The following NCKAP1L variants were observed in gnomAD, a reference collection of about 807,000 sequenced individuals.
NCKAP1L encodes nck-associated protein 1-like.
Under a neutral mutation model 139.2 loss-of-function variants are expected in NCKAP1L, and 53 were observed. The observed-to-expected ratio is 0.38, with a 90% CI of 0.31 to 0.48. The LOEUF is 0.48. NCKAP1L is among the 20% of genes least tolerant of loss of function. The pLI, the probability that NCKAP1L is intolerant of heterozygous loss-of-function variation, is 0.98. For missense variants in NCKAP1L, 1,151 were observed against 1,381.9 expected (o/e 0.83, Z 2.65); for synonymous variants, 468 against 499.7 (o/e 0.94, Z 0.85).
chr12:54,526,769 C>A, intron 21 of NCKAP1L, 23 bp downstream of exon 21: 1 of 1,597,606 alleles, frequency 6.3e-7, no homozygotes, highest in South Asian at 1.1e-5. Context: ...TAGGCTTTTC[C>A]ACTGCCTTAC....
chr12:54,516,406 C>A, intron 10 of NCKAP1L, 111 bp downstream of exon 10: 2 of 945,242 alleles, frequency 2.1e-6, no homozygotes, highest in Non-Finnish European at 3.4e-6. Context: ...TGCCTCAACC[C>A]AAGAACTTGC....
Position 54,497,871 on chromosome 12 carries a change from C to A in NCKAP1L, c.82C>A (p.Arg28Ser). The change falls in exon 1 of 31, where the codon CGT becomes AGT. Residue 28 changes from arginine (R) to serine (S), a missense_variant. By Grantham distance (110) the Arg-to-Ser change is moderately radical. Coordinates refer to ENST00000293373, the MANE Select transcript of NCKAP1L (RefSeq NM_005337.5). ...TGATCGCGGTCAGGGGGTTCTCATC[C>A]GTATGTATAACATCAAGAAGGTAAG... The part of the protein sequence containing the change: ...LNDRGQGVLI[R>S]MYNIKKTCSD... 6.2e-7 allele frequency: 1 copy of A among 1,605,798 alleles called. No individual in the cohort carries two copies. The highest frequency in any genetic ancestry group is 8.5e-7 in the Non-Finnish European group (1 of 1,172,450).
chr12:54,505,493 C>A (rs1029126472), intron 3 of NCKAP1L, among the ~76,000 whole-genome samples: 1 of 151,492 alleles, frequency 6.6e-6, no homozygotes, highest in Non-Finnish European at 1.5e-5. Flanking sequence ...TCACTTCTGG[C>A]CCCAGGCAAC....
At chr12:54,507,804 A>T in intron 3 of NCKAP1L, 49 bp from the exon 4 acceptor site, 1 of 1,556,650 alleles carries the variant, frequency 6.4e-7, no homozygotes, top group Non-Finnish European at 8.9e-7. Flanking sequence ...GTAGTACGTC[A>T]CCTTCTCTTT....
intron 12 of NCKAP1L, 29 bp downstream of exon 12, chr12:54,517,671 G>A: frequency 6.3e-7 from 1 of 1,591,916 alleles, no homozygotes; most frequent in Non-Finnish European, 8.6e-7. Flanking sequence ...TAAGAACCTT[G>A]TCCTTAGATG....
intron 3 of NCKAP1L, among the ~76,000 whole-genome samples, chr12:54,501,277 A>G (rs1420849421): frequency 1.3e-5 from 2 of 152,132 alleles, no homozygotes; most frequent in Admixed American, 1.3e-4. Context: ...GTTGTAGCAT[A>G]TTGTAGAATT....
At chr12:54,497,983 C>T (rs1956764425) in intron 1 of NCKAP1L, 92 bp downstream of exon 1, 2 of 749,768 alleles carry the variant, frequency 2.7e-6, no homozygotes, top group South Asian at 1.5e-5. Flanking sequence ...AGACTCCCAC[C>T]TTTTTTTCCA....
chr12:54,526,785 G>A, intron 21 of NCKAP1L, 39 bp downstream of exon 21: 1 of 1,563,112 alleles, frequency 6.4e-7, no homozygotes. Context: ...CTTACTTTGT[G>A]TTGGCACTTT....
At chr12:54,521,053 GT>G in intron 17 of NCKAP1L, 65 bp from the exon 18 acceptor site, 1 of 1,607,612 alleles carries the variant, frequency 6.2e-7, no homozygotes, top group Non-Finnish European at 8.5e-7. Context: ...GATGAGAGCA[GT>G]ATTGTGAGGA....
chr12:54,516,014 A>AT (rs139516945), intron 9 of NCKAP1L, among the ~76,000 whole-genome samples: 8,503 of 152,084 alleles, frequency 0.056, 291 homozygotes, highest in African/African-American at 0.091. Context: ...CCTAGGTATT[A>AT]TTTTCTGTAT....
chr12:54,506,757 T>A (rs1956841691), intron 3 of NCKAP1L, among the ~76,000 whole-genome samples: 1 of 132,364 alleles, frequency 7.6e-6, no homozygotes, highest in Admixed American at 8.4e-5. Context: ...TGGTATTAAG[T>A]GCCTGTTCAA....
chr12:54,514,788 A>G lies in NCKAP1L; in HGVS notation c.942-1451A>G, dbSNP rs79146892. ...TTTCTCACACTCTCAACAACTAAGT[A>G]TTGTCATTAAAAACCATTGCCAGAG... is the stretch of plus-strand genomic sequence containing the variant. On this transcript the variant is annotated intron_variant, in intron 9 of 30. Coordinates refer to ENST00000293373, the MANE Select transcript of NCKAP1L (RefSeq NM_005337.5). Among the ~76,000 whole-genome samples, 924 of 152,308 alleles carry G rather than the reference A, an allele frequency of 6.1e-3. 27 individuals are homozygous for G. The East Asian group carries it at 0.078, about 13-fold the overall frequency.
intron 28 of NCKAP1L, 92 bp from the exon 29 acceptor site, chr12:54,536,852 A>C: frequency 1.2e-6 from 1 of 825,910 alleles, no homozygotes. Context: ...CTCAGCCTGA[A>C]AACATGAGAA....
chr12:54,542,614 G>C lies in NCKAP1L; in HGVS notation c.3313G>C (p.Glu1105Gln). 6.2e-7 allele frequency: 1 copy of C among 1,614,176 alleles called. No homozygotes were observed. Among genetic ancestry groups the C allele is most frequent in the Non-Finnish European group, 8.5e-7 (1 of 1,180,028 alleles). Reference protein sequence around the residue: ...ESSFLTLDMLESCFPYVLLRN... With the variant: ...ESSFLTLDMLQSCFPYVLLRN... ...ATCCTTCCTGACCCTGGACATGCTGGAGTCCTGTTTCCCTTATGTCCTGCT... is the reference window on the plus strand; with the variant it reads ...ATCCTTCCTGACCCTGGACATGCTGCAGTCCTGTTTCCCTTATGTCCTGCT... Residue 1105 changes from glutamate (E) to glutamine (Q), a missense_variant, in exon 31 of 31, where the codon GAG becomes CAG. Coordinates refer to ENST00000293373, the MANE Select transcript of NCKAP1L (RefSeq NM_005337.5).
At chr12:54,499,018 C>T (rs976542074) in intron 1 of NCKAP1L, among the ~76,000 whole-genome samples, 33 of 151,948 alleles carry the variant, frequency 2.2e-4, no homozygotes, top group Middle Eastern at 3.4e-3. Context: ...CTCCGCCTCC[C>T]GGGTTCAAGC....
chr12:54,532,097 T>A, intron 25 of NCKAP1L, 73 bp from the exon 26 acceptor site: 1 of 1,191,286 alleles, frequency 8.4e-7, no homozygotes, highest in South Asian at 1.5e-5. Flanking sequence ...CTTTTTTTTT[T>A]TTTTTATTTC....
intron 3 of NCKAP1L, among the ~76,000 whole-genome samples, chr12:54,502,129 T>A (rs1469124517): frequency 6.6e-6 from 1 of 152,244 alleles, no homozygotes; most frequent in Non-Finnish European, 1.5e-5. Flanking sequence ...AGGTTGAGTA[T>A]TCCTTATGGA....
At chr12:54,506,390 T>G (rs1485029034) in intron 3 of NCKAP1L, among the ~76,000 whole-genome samples, 1 of 151,916 alleles carries the variant, frequency 6.6e-6, no homozygotes, top group Non-Finnish European at 1.5e-5. Flanking sequence ...CATCTTTTCA[T>G]GTGCTTATTA....
chr12:54,534,550 G>A (rs1565682950), intron 26 of NCKAP1L, among the ~76,000 whole-genome samples: 2 of 152,160 alleles, frequency 1.3e-5, no homozygotes, highest in Admixed American at 1.3e-4. Flanking sequence ...TAATCAGGTA[G>A]CGCTTTACAG....
Sources: allele counts gnomAD v4.1 joint callset (sites outside exome capture counted in the v4.1 genomes callset), GRCh38; gene constraint gnomAD v4.1.1; transcripts MANE v1.5; gene names NCBI Gene and HGNC (gene_info 2026-07-23, HGNC 2026-07-21).